Variants in LYZL2 observed in about 807,000 individuals in gnomAD.
The protein encoded by LYZL2 is lysozyme-like protein 2.
A neutral mutation model predicts 17.1 loss-of-function variants in LYZL2; 13 were observed. The observed-to-expected ratio is 0.76, with a 90% confidence interval of 0.49 to 1.21. The LOEUF (loss-of-function observed/expected upper bound fraction) is 1.21. Ranked by LOEUF, LYZL2 falls within the 50% of genes most tolerant of loss-of-function variation. LYZL2 has a pLI of 0.00. For synonymous variants in LYZL2, 63 were observed against 74.4 expected (o/e 0.85, Z 0.79); for missense variants, 166 against 189.2 (o/e 0.88, Z 0.72).
At chr10:30,624,796 T>C (rs1484766776) in intron 3 of LYZL2, among the ~76,000 whole-genome samples, 3 of 152,208 alleles carry the variant, frequency 2.0e-5, no homozygotes, top group African/African-American at 7.2e-5. Flanking sequence ...GACTTCACTC[T>C]TGTACCTTGC....
chr10:30,625,204 C>T lies in LYZL2; in HGVS notation c.298+901G>A, dbSNP rs373748777. Among the ~76,000 whole-genome samples the T allele has an allele frequency of 9.7e-4, 148 of 152,218 alleles. 1 individual carries two copies. The South Asian group carries it at 0.012, about 12-fold the overall frequency. Reference sequence around the variant, plus strand: ...CCTAGAGGACTGTAAGGAAATTTTGCGGTGTTTAAGCCACAAGTTTGTGGT... The same window carrying T: ...CCTAGAGGACTGTAAGGAAATTTTGTGGTGTTTAAGCCACAAGTTTGTGGT... On this transcript the variant is annotated intron_variant, in intron 3 of 4. Coordinates refer to ENST00000647634, the MANE Select transcript of LYZL2 (RefSeq NM_183058.3).
At chr10:30,608,889 G>C (rs571019564), downstream of LYZL2, among the ~76,000 whole-genome samples, 190 of 152,202 alleles carry the variant, frequency 1.2e-3, 1 homozygote, top group African/African-American at 4.3e-3. Context: ...ATCCAGGCTG[G>C]AGTGCAGTGG....
At chr10:30,616,496 A>C (rs1838529935) in intron 3 of LYZL2, among the ~76,000 whole-genome samples, 1 of 152,238 alleles carries the variant, frequency 6.6e-6, no homozygotes, top group Admixed American at 6.5e-5. Flanking sequence ...CATCCTCTCA[A>C]AACAAACATC....
At chr10:30,613,176 C>T (rs1838472427) in intron 3 of LYZL2, among the ~76,000 whole-genome samples, 2 of 152,152 alleles carry the variant, frequency 1.3e-5, no homozygotes. Flanking sequence ...AGAGAAGACG[C>T]TATGTGAAAA....
intron 3 of LYZL2, among the ~76,000 whole-genome samples, chr10:30,615,125 A>G (rs1838507042): frequency 6.6e-6 from 1 of 152,234 alleles, no homozygotes; most frequent in South Asian, 2.1e-4. Context: ...AACATGTGAT[A>G]ATTTAAATTA....
At chr10:30,620,865 T>TAA (rs35114293) in intron 3 of LYZL2, among the ~76,000 whole-genome samples, 2 of 146,530 alleles carry the variant, frequency 1.4e-5, no homozygotes, top group East Asian at 2.0e-4. Context: ...AGATTAGCAT[T>TAA]AAAAAAAAAA....
chr10:30,618,495 A>T lies in LYZL2; in HGVS notation c.299-5595T>A, dbSNP rs192093799. On this transcript the variant is annotated intron_variant, in intron 3 of 4. Transcript: ENST00000647634. Reference sequence around the variant, plus strand: ...AAACAGAGATATAGATCAATGGAACAGAACAGAGCCCTCAGAAATAATACT... The same window carrying T: ...AAACAGAGATATAGATCAATGGAACTGAACAGAGCCCTCAGAAATAATACT... Among the ~76,000 whole-genome samples, 699 of 152,366 alleles carry T rather than the reference A, an allele frequency of 4.6e-3. 7 individuals carry two copies. Among genetic ancestry groups the T allele is most frequent in the African/African-American group, 0.016 (671 of 41,578 alleles).
At chr10:30,628,410 A>G (rs1003096580) in intron 1 of LYZL2, among the ~76,000 whole-genome samples, 1 of 152,194 alleles carries the variant, frequency 6.6e-6, no homozygotes, top group African/African-American at 2.4e-5. Context: ...AAAGGAGGAA[A>G]GCACCTGGGG....
chr10:30,615,872 G>C (rs1474878801), intron 3 of LYZL2, among the ~76,000 whole-genome samples: 3 of 122,766 alleles, frequency 2.4e-5, no homozygotes, highest in African/African-American at 1.0e-4. Context: ...AGTTCTATTA[G>C]ATAGCACTGG....
At chr10:30,621,721 C>T (rs181526669) in intron 3 of LYZL2, among the ~76,000 whole-genome samples, 1 of 152,258 alleles carries the variant, frequency 6.6e-6, no homozygotes, top group Non-Finnish European at 1.5e-5. Flanking sequence ...TAATAGACCT[C>T]TACTCTAAAA....
At position 30,626,820 on chromosome 10, in the gene LYZL2, C is replaced by T. The variant is rs368750672; in HGVS notation, c.96G>A (p.Ser32=). The change falls in exon 2 of 5, where the codon TCG becomes TCA. Residue 32 remains serine, a synonymous_variant. Transcript: ENST00000647634. ...YTRCKLAKIF[S]RAGLDNYWGF... The stretch of plus-strand genomic sequence containing the variant: ...CCCAGTAATTGTCCAGGCCAGCCCT[C>T]GAGAATATTTTTGCCAGTTTGCAAC... The T allele has an allele frequency of 6.5e-5, 105 of 1,614,194 alleles. No homozygotes were observed. The highest frequency in any genetic ancestry group is 1.6e-4 in the Middle Eastern group (1 of 6,062).
intron 3 of LYZL2, among the ~76,000 whole-genome samples, chr10:30,616,442 T>C (rs1272499130): frequency 6.6e-6 from 1 of 152,226 alleles, no homozygotes; most frequent in Admixed American, 6.5e-5. Context: ...CCCAGCACTT[T>C]GGGAGGCTGA....
chr10:30,620,556 G>A lies in LYZL2; in HGVS notation c.298+5549C>T, dbSNP rs540969859. On this transcript the variant is annotated intron_variant, in intron 3 of 4. Coordinates refer to ENST00000647634, the MANE Select transcript of LYZL2 (RefSeq NM_183058.3). ...CTTTTAAACTAAGAAGACAGGACCC[G>A]AGGACTCACAAGAGCCGTCAACACA... Among the ~76,000 whole-genome samples the A allele has an allele frequency of 4.6e-5, 7 of 152,248 alleles. No individual in the cohort carries two copies. The South Asian group carries it at 1.2e-3, about 27-fold the overall frequency.
chr10:30,611,036 C>T (rs901527304), downstream of LYZL2, among the ~76,000 whole-genome samples: 1 of 152,064 alleles, frequency 6.6e-6, no homozygotes, highest in African/African-American at 2.4e-5. Context: ...TAACCTAACC[C>T]TTCTGCATGT....
intron 3 of LYZL2, among the ~76,000 whole-genome samples, chr10:30,613,989 CAT>C (rs1404889645): frequency 6.6e-6 from 1 of 152,202 alleles, no homozygotes; most frequent in African/African-American, 2.4e-5. Flanking sequence ...GGATTACAGA[CAT>C]GAGCCACCAT....
chr10:30,622,641 A>G (rs1838643277), intron 3 of LYZL2, among the ~76,000 whole-genome samples: 1 of 152,204 alleles, frequency 6.6e-6, no homozygotes, highest in South Asian at 2.1e-4. Context: ...GGCATAACCC[A>G]CAGGCCAATC....
At chr10:30,610,444 C>T (rs1838418967), downstream of LYZL2, among the ~76,000 whole-genome samples, 1 of 152,080 alleles carries the variant, frequency 6.6e-6, no homozygotes, top group Admixed American at 6.6e-5. Flanking sequence ...AACATAAGAA[C>T]AGAAAACCAA....
At chr10:30,629,293 C>T (rs1292042595) in intron 1 of LYZL2, among the ~76,000 whole-genome samples, 1 of 151,482 alleles carries the variant, frequency 6.6e-6, no homozygotes, top group Non-Finnish European at 1.5e-5. Context: ...GTTTGGGAGG[C>T]TGAGGTGGGA....
intron 3 of LYZL2, among the ~76,000 whole-genome samples, chr10:30,615,708 GA>G (rs1399070674): frequency 6.6e-6 from 1 of 151,960 alleles, no homozygotes; most frequent in Non-Finnish European, 1.5e-5. Flanking sequence ...ATAAAGCTGG[GA>G]AAAATATAAA....
Sources: allele counts gnomAD v4.1 joint callset (sites outside exome capture counted in the v4.1 genomes callset), GRCh38; gene constraint gnomAD v4.1.1; transcripts MANE v1.5; gene names NCBI Gene and HGNC (gene_info 2026-07-23, HGNC 2026-07-21).